The following CDH10 variants were observed in gnomAD, a reference collection of about 807,000 sequenced individuals.
CDH10 encodes the protein cadherin-10.
Under a neutral mutation model 73.1 loss-of-function variants are expected in CDH10, and 30 were observed. The ratio of observed to expected loss-of-function variants is 0.41; its 90% confidence interval spans 0.31 to 0.56. The LOEUF (loss-of-function observed/expected upper bound fraction) is 0.56, where lower values mean the gene tolerates loss of function less well. Among genes scored for constraint, CDH10 ranks in the 20% least tolerant of loss-of-function variants. The pLI, the probability that CDH10 is intolerant of heterozygous loss-of-function variation, is 0.27. For missense variants in CDH10, 815 were observed against 973.7 expected (o/e 0.84, Z 2.17); for synonymous variants, 345 against 348.2 (o/e 0.99, Z 0.10).
At chr5:24,608,917 C>T (rs1349588019) in intron 1 of CDH10, among the ~76,000 whole-genome samples, 2 of 152,198 alleles carry the variant, frequency 1.3e-5, no homozygotes, top group African/African-American at 4.8e-5. Context: ...ACACATTATG[C>T]ATAGCTGCAC....
At chr5:24,630,287 C>T (rs1030806162) in intron 1 of CDH10, among the ~76,000 whole-genome samples, 1 of 152,044 alleles carries the variant, frequency 6.6e-6, no homozygotes, top group Admixed American at 6.6e-5. Flanking sequence ...GGGGCTCACT[C>T]CTGTAATCCC....
chr5:24,503,933 TATC>T (rs1271113617), intron 8 of CDH10, among the ~76,000 whole-genome samples: 3 of 152,200 alleles, frequency 2.0e-5, no homozygotes, highest in Admixed American at 2.0e-4. Flanking sequence ...GATTAAATGG[TATC>T]ATATGCAACC....
intron 8 of CDH10, among the ~76,000 whole-genome samples, chr5:24,500,815 G>A (rs1345556548): frequency 6.6e-6 from 1 of 151,998 alleles, no homozygotes; most frequent in Non-Finnish European, 1.5e-5. Context: ...AAAAACTTAT[G>A]CTTTCTCCAC....
At chr5:24,515,094 T>A (rs1386388118) in intron 5 of CDH10, among the ~76,000 whole-genome samples, 6 of 152,256 alleles carry the variant, frequency 3.9e-5, no homozygotes, top group African/African-American at 1.2e-4. Context: ...TCCTGAATAT[T>A]TTAAAAGAAT....
At chr5:24,629,010 A>G (rs1027730837) in intron 1 of CDH10, among the ~76,000 whole-genome samples, 5 of 152,044 alleles carry the variant, frequency 3.3e-5, no homozygotes, top group Non-Finnish European at 5.9e-5. Flanking sequence ...GCATTATTTT[A>G]TTTCTCAAAG....
intron 2 of CDH10, among the ~76,000 whole-genome samples, chr5:24,541,713 T>C (rs1009640595): frequency 2.6e-5 from 4 of 152,146 alleles, no homozygotes; most frequent in African/African-American, 9.6e-5. Context: ...CACCTGTTCT[T>C]CAGTGTGAAA....
chr5:24,528,819 C>T (rs1486158876), intron 5 of CDH10, among the ~76,000 whole-genome samples: 1 of 151,986 alleles, frequency 6.6e-6, no homozygotes, highest in Admixed American at 6.6e-5. Context: ...CAATATCTTT[C>T]TAGGTGTAGT....
intron 2 of CDH10, among the ~76,000 whole-genome samples, chr5:24,565,875 G>T (rs1283704683): frequency 1.3e-5 from 2 of 151,814 alleles, no homozygotes; most frequent in African/African-American, 4.8e-5. Context: ...AAACAATCCT[G>T]GTGCACCTTG....
At chr5:24,526,002 C>T (rs958018247) in intron 5 of CDH10, among the ~76,000 whole-genome samples, 3 of 152,060 alleles carry the variant, frequency 2.0e-5, no homozygotes, top group African/African-American at 4.8e-5. Flanking sequence ...TTAAGACAAA[C>T]TTTAAATTAG....
chr5:24,543,512 T>C (rs1233708564), intron 2 of CDH10, among the ~76,000 whole-genome samples: 1 of 152,190 alleles, frequency 6.6e-6, no homozygotes, highest in Non-Finnish European at 1.5e-5. Flanking sequence ...TGATAATTTG[T>C]GCCTGATTTT....
intron 7 of CDH10, among the ~76,000 whole-genome samples, chr5:24,505,532 G>C (rs1357421645): frequency 1.3e-5 from 2 of 152,112 alleles, no homozygotes; most frequent in Non-Finnish European, 2.9e-5. Flanking sequence ...GATATATTTG[G>C]TCACAAAACA....
intron 2 of CDH10, among the ~76,000 whole-genome samples, chr5:24,577,557 C>T (rs1745649868): frequency 6.6e-6 from 1 of 152,054 alleles, no homozygotes. Context: ...TAACGTTTCT[C>T]TTTCACTACA....
intron 8 of CDH10, among the ~76,000 whole-genome samples, chr5:24,503,227 A>T (rs1408514973): frequency 2.0e-5 from 3 of 152,176 alleles, no homozygotes; most frequent in African/African-American, 7.2e-5. Context: ...TGACCTTGAT[A>T]CGTGTTTGTG....
intron 7 of CDH10, among the ~76,000 whole-genome samples, chr5:24,505,968 G>C (rs1742684065): frequency 6.6e-6 from 1 of 152,058 alleles, no homozygotes; most frequent in Non-Finnish European, 1.5e-5. Context: ...ACAAAAATTA[G>C]CTGGGTGTGG....
intron 2 of CDH10, among the ~76,000 whole-genome samples, chr5:24,590,103 T>G (rs1053147863): frequency 1.3e-5 from 2 of 151,988 alleles, no homozygotes; most frequent in Non-Finnish European, 2.9e-5. Context: ...ATATTTTTGT[T>G]TAGAATGCAT....
intron 1 of CDH10, among the ~76,000 whole-genome samples, chr5:24,596,556 T>A (rs910993607): frequency 5.9e-5 from 9 of 152,000 alleles, no homozygotes; most frequent in African/African-American, 2.2e-4. Flanking sequence ...TCAATTAAAA[T>A]TTTTGAACAT....
At chr5:24,592,406 T>A (rs547354368) in intron 2 of CDH10, among the ~76,000 whole-genome samples, 70 of 151,894 alleles carry the variant, frequency 4.6e-4, no homozygotes, top group African/African-American at 1.6e-3. Flanking sequence ...TGACATAGTC[T>A]CACAATCTAT....
intron 2 of CDH10, among the ~76,000 whole-genome samples, chr5:24,546,181 T>TTG (rs139727777): frequency 0.017 from 2,613 of 149,678 alleles, 49 homozygotes; most frequent in African/African-American, 0.043. Flanking sequence ...TTGAAAAAAC[T>TTG]TGTGTGTGTG....
chr5:24,566,506 T>C (rs1745170269), intron 2 of CDH10, among the ~76,000 whole-genome samples: 2 of 152,316 alleles, frequency 1.3e-5, no homozygotes, highest in South Asian at 4.1e-4. Flanking sequence ...CCTAGCTATA[T>C]ATATAGAATA....
Sources: gnomAD v4.1 joint callset for allele counts (sites outside exome capture counted in the v4.1 genomes callset) on GRCh38, gnomAD v4.1.1 for gene constraint, MANE v1.5 for transcripts, NCBI Gene and HGNC (gene_info 2026-07-23, HGNC 2026-07-21) for gene names.